Variants in DLC1 observed in about 807,000 individuals in gnomAD.
DLC1 encodes rho GTPase-activating protein 7.
DLC1 carries 54 observed loss-of-function variants against 140.3 expected under a neutral mutation model. That is an observed-to-expected ratio of 0.38 (90% CI 0.31 to 0.48). The LOEUF (loss-of-function observed/expected upper bound fraction) is 0.48. Among genes scored for constraint, DLC1 ranks in the 20% least tolerant of loss-of-function variants. The probability of loss-of-function intolerance (pLI) is 0.96; values close to 1 mark genes in which losing one functional copy is unlikely to be tolerated. For synonymous variants in DLC1, 986 were observed against 728.1 expected (o/e 1.35, Z -5.70); for missense variants, 2,536 against 1,907.0 (o/e 1.33, Z -6.14).
intron 1 of DLC1, among the ~76,000 whole-genome samples, chr8:13,570,664 A>T (rs1804621241): frequency 6.6e-6 from 1 of 151,466 alleles, no homozygotes; most frequent in South Asian, 2.1e-4. Flanking sequence ...CATGGTGTAT[A>T]TGTGCCAGAT....
At chr8:13,101,772 G>A (rs769036598) in intron 8 of DLC1, among the ~76,000 whole-genome samples, 3 of 152,170 alleles carry the variant, frequency 2.0e-5, no homozygotes, top group Non-Finnish European at 2.9e-5. Flanking sequence ...CTGACAGCTC[G>A]CGGCATTCAT....
intron 2 of DLC1, among the ~76,000 whole-genome samples, chr8:13,486,495 A>G (rs923007283): frequency 8.5e-5 from 13 of 152,138 alleles, no homozygotes; most frequent in African/African-American, 2.9e-4. Flanking sequence ...GAGTTTCCAT[A>G]ATAATGTTCA....
chr8:13,381,585 C>T (rs1478760057), intron 4 of DLC1, among the ~76,000 whole-genome samples: 1 of 152,196 alleles, frequency 6.6e-6, no homozygotes, highest in Non-Finnish European at 1.5e-5. Context: ...AGGAACAAAG[C>T]TTCTATGACG....
chr8:13,492,037 A>G (rs1801270980), intron 2 of DLC1, among the ~76,000 whole-genome samples: 1 of 152,174 alleles, frequency 6.6e-6, no homozygotes, highest in Non-Finnish European at 1.5e-5. Flanking sequence ...TATACATAGG[A>G]TTACAGTAGG....
In DLC1 at chr8:13,333,607, G is replaced by A. The variant is rs577026963; in HGVS notation, c.1315-28305C>T. On this transcript the variant is annotated intron_variant, in intron 4 of 17. Transcript: ENST00000276297. Reference sequence around the variant, plus strand: ...AACGAGGGCATTTCAAGATGCAGTGGGAAATGGCTCTCCTGCTTGTAACAG... The same window carrying A: ...AACGAGGGCATTTCAAGATGCAGTGAGAAATGGCTCTCCTGCTTGTAACAG... Among the ~76,000 whole-genome samples the A allele has an allele frequency of 3.0e-4, 45 of 152,244 alleles. 1 individual carries two copies. The highest frequency in any genetic ancestry group is 1.1e-3 in the African/African-American group (44 of 41,556).
At chr8:13,460,338 C>T (rs906724405) in intron 2 of DLC1, among the ~76,000 whole-genome samples, 4 of 152,206 alleles carry the variant, frequency 2.6e-5, no homozygotes, top group African/African-American at 9.6e-5. Context: ...TTTATAACAG[C>T]TCCATGAACA....
intron 4 of DLC1, chr8:13,342,189 G>T (rs536395898): frequency 6.6e-6 from 1 of 152,236 alleles, no homozygotes; most frequent in African/African-American, 2.4e-5. Context: ...TGAACTACAT[G>T]ACAGGTAATA....
intron 2 of DLC1, among the ~76,000 whole-genome samples, chr8:13,404,392 G>T (rs767906712): frequency 6.6e-6 from 1 of 152,154 alleles, no homozygotes; most frequent in Non-Finnish European, 1.5e-5. Flanking sequence ...GAGCTGGTGT[G>T]AACCAGTGTC....
chr8:13,138,234 T>C (rs7015013), intron 5 of DLC1, among the ~76,000 whole-genome samples: 56,721 of 152,078 alleles, frequency 0.37, 11,040 homozygotes, highest in Admixed American at 0.48. Flanking sequence ...TCAGGACCCC[T>C]CTGAGAAGAC....
intron 5 of DLC1, among the ~76,000 whole-genome samples, chr8:13,246,108 G>T (rs1199212343): frequency 6.6e-6 from 1 of 152,124 alleles, no homozygotes; most frequent in Non-Finnish European, 1.5e-5. Context: ...TATTACAGAA[G>T]GCAATGGGGC....
intron 2 of DLC1, among the ~76,000 whole-genome samples, chr8:13,411,622 C>T (rs1254493867): frequency 2.6e-5 from 4 of 152,058 alleles, no homozygotes; most frequent in Non-Finnish European, 5.9e-5. Flanking sequence ...TTGATGGTGG[C>T]TATTGGCAGA....
At chr8:13,122,385 A>G (rs141234545) in intron 5 of DLC1, among the ~76,000 whole-genome samples, 7 of 152,166 alleles carry the variant, frequency 4.6e-5, no homozygotes, top group African/African-American at 1.7e-4. Flanking sequence ...CAAATGAATT[A>G]CCCCTTCTTC....
At chr8:13,130,523 C>G (rs750746298) in intron 5 of DLC1, among the ~76,000 whole-genome samples, 6 of 152,188 alleles carry the variant, frequency 3.9e-5, no homozygotes, top group Non-Finnish European at 7.4e-5. Context: ...CAAACAAGGG[C>G]TTTAGGTTGA....
chr8:13,100,579 G>A lies in DLC1; in HGVS notation c.1758C>T (p.Ser586=), dbSNP rs752811476. ...PSPGGTLMDL[S]ERQEVSSVRS... ...GGACGGAAGACACCTCCTGGCGCTC[G>A]CTGAGGTCCATCAGCGTGCCTCCGG... The change falls in exon 9 of 18, where the codon AGC becomes AGT. Residue 586 remains serine (S), a synonymous_variant. Transcript: ENST00000276297. 1.2e-6 allele frequency: 2 copies of A among 1,613,668 alleles called. No homozygotes were observed. The highest frequency in any genetic ancestry group is 2.2e-5 in the East Asian group (1 of 44,874).
chr8:13,110,956 G>A (rs535720436), intron 6 of DLC1, 133 bp from the exon 7 acceptor site: 41 of 738,394 alleles, frequency 5.6e-5, no homozygotes, highest in East Asian at 5.5e-4. Context: ...CTCATTCCCC[G>A]TCAAGTTCTA....
At chr8:13,275,584 C>T (rs1016004412) in intron 5 of DLC1, among the ~76,000 whole-genome samples, 1 of 129,808 alleles carries the variant, frequency 7.7e-6, no homozygotes, top group Admixed American at 7.5e-5. Context: ...ACGCAAAAAT[C>T]GGACAGAAGT....
rs1563400861 is a variant in DLC1 at position 13,499,517 on chromosome 8, G to A, written c.555C>T (p.Asp185=). The A allele has an allele frequency of 6.2e-7, 1 of 1,614,054 alleles. No homozygotes were observed. Among genetic ancestry groups the A allele is most frequent in the African/African-American group, 1.3e-5 (1 of 75,012 alleles). The change falls in exon 2 of 18, where the codon GAC becomes GAT. Residue 185 remains aspartate, a synonymous_variant. Coordinates refer to ENST00000276297, the MANE Select transcript of DLC1 (RefSeq NM_182643.3). Reference sequence around the variant, plus strand: ...AAAGCTCCAGGCTTTTACTTATAGAGTCAGTAACTTTTCTCTCCCCACTTT... The same window carrying A: ...AAAGCTCCAGGCTTTTACTTATAGAATCAGTAACTTTTCTCTCCCCACTTT... The part of the protein sequence containing the change: ...VKESGERKVT[D]SISKSLELCN...
chr8:13,388,091 GTTGA>G (rs1265624212), intron 4 of DLC1, among the ~76,000 whole-genome samples: 5 of 151,978 alleles, frequency 3.3e-5, no homozygotes, highest in Non-Finnish European at 7.4e-5. Context: ...CAGGAATTTA[GTTGA>G]TTAATAAATT....
chr8:13,097,123 G>C (rs1239411582), intron 10 of DLC1, among the ~76,000 whole-genome samples: 1 of 151,938 alleles, frequency 6.6e-6, no homozygotes, highest in Non-Finnish European at 1.5e-5. Context: ...CTCTACATTT[G>C]AGTCTATAAT....
Sources: allele counts gnomAD v4.1 joint callset (sites outside exome capture counted in the v4.1 genomes callset), GRCh38; gene constraint gnomAD v4.1.1; transcripts MANE v1.5; gene names NCBI Gene and HGNC (gene_info 2026-07-23, HGNC 2026-07-21).